PXDNL: variants seen among roughly 807,000 people sequenced by gnomAD.
The protein encoded by PXDNL is probable oxidoreductase PXDNL.
In PXDNL, 145 loss-of-function variants were observed where a neutral mutation model predicts 150.8. The ratio of observed to expected loss-of-function variants is 0.96; its 90% CI spans 0.84 to 1.10. PXDNL has a LOEUF of 1.10. Ranked by LOEUF, PXDNL falls within the 50% of genes least tolerant of loss-of-function variation. PXDNL has a pLI of 0.00. For missense variants in PXDNL, 2,087 were observed against 1,873.9 expected (o/e 1.11, Z -2.10); for synonymous variants, 757 against 725.7 (o/e 1.04, Z -0.69).
At chr8:51,326,062 G>A (rs1805474586) in intron 21 of PXDNL, among the ~76,000 whole-genome samples, 1 of 152,194 alleles carries the variant, frequency 6.6e-6, no homozygotes, top group African/African-American at 2.4e-5. Context: ...AGCTACGTGA[G>A]GAAAAACTAC....
intron 2 of PXDNL, among the ~76,000 whole-genome samples, chr8:51,607,070 G>A (rs1813851588): frequency 1.3e-5 from 2 of 152,050 alleles, no homozygotes; most frequent in East Asian, 3.9e-4. Context: ...ATACAATAAT[G>A]TACTTAAATA....
intron 1 of PXDNL, among the ~76,000 whole-genome samples, chr8:51,726,822 G>C (rs1014043043): frequency 6.6e-6 from 1 of 152,030 alleles, no homozygotes; most frequent in Non-Finnish European, 1.5e-5. Context: ...ATACTGAAAA[G>C]TTTAATTTCA....
chr8:51,663,965 C>A (rs991237322), intron 1 of PXDNL, among the ~76,000 whole-genome samples: 1 of 150,686 alleles, frequency 6.6e-6, no homozygotes, highest in African/African-American at 2.5e-5. Flanking sequence ...GCAGGAGAAT[C>A]ACTTGAACCT....
intron 21 of PXDNL, among the ~76,000 whole-genome samples, chr8:51,321,304 A>C (rs1042999691): frequency 1.8e-4 from 28 of 152,348 alleles, no homozygotes; most frequent in African/African-American, 6.7e-4. Context: ...ACAAATATTT[A>C]TTAAGTTTCA....
intron 3 of PXDNL, among the ~76,000 whole-genome samples, chr8:51,577,928 AAAG>A (rs1278614645): frequency 7.6e-4 from 25 of 32,918 alleles, no homozygotes; most frequent in Admixed American, 6.9e-3. Flanking sequence ...GAAAGAAAAG[AAAG>A]AAAGAAAGAA....
chr8:51,444,704 A>G, intron 12 of PXDNL, among the ~76,000 whole-genome samples: 1 of 152,122 alleles, frequency 6.6e-6, no homozygotes, highest in East Asian at 1.9e-4. Context: ...GGGGAAAAAT[A>G]TTCCTCATAA....
intron 1 of PXDNL, among the ~76,000 whole-genome samples, chr8:51,744,293 G>GAAGAAAGA (rs139562733): frequency 5.2e-4 from 73 of 139,318 alleles, no homozygotes; most frequent in African/African-American, 7.8e-4. Flanking sequence ...AGGAAAGAAG[G>GAAGAAAGA]AAGAAAGAAA....
At chr8:51,436,009 C>A (rs2129841278) in intron 12 of PXDNL, 4 of 528,550 alleles carry the variant, frequency 7.6e-6, no homozygotes, top group Admixed American at 6.0e-5. Context: ...AAATTCACCT[C>A]ATGGACCATC....
intron 1 of PXDNL, among the ~76,000 whole-genome samples, chr8:51,786,242 C>A (rs2037459511): frequency 6.6e-6 from 1 of 151,826 alleles, no homozygotes; most frequent in Non-Finnish European, 1.5e-5. Flanking sequence ...GAGTTTCACT[C>A]TTGTTGCCCC....
At chr8:51,671,618 C>A (rs1372273169) in intron 1 of PXDNL, among the ~76,000 whole-genome samples, 5 of 152,192 alleles carry the variant, frequency 3.3e-5, no homozygotes, top group Non-Finnish European at 5.9e-5. Flanking sequence ...CTAAGTGGAA[C>A]TGTTCTTCAG....
At chr8:51,694,328 C>A (rs1446596065) in intron 1 of PXDNL, among the ~76,000 whole-genome samples, 1 of 151,898 alleles carries the variant, frequency 6.6e-6, no homozygotes, top group Non-Finnish European at 1.5e-5. Flanking sequence ...GTGCTACTGC[C>A]CTCCGGCCTG....
At chr8:51,530,506 A>G (rs914126295) in intron 4 of PXDNL, among the ~76,000 whole-genome samples, 2 of 152,148 alleles carry the variant, frequency 1.3e-5, no homozygotes, top group African/African-American at 2.4e-5. Flanking sequence ...AATCCCCAGT[A>G]TATTTCTCCT....
chr8:51,447,062 T>G lies in PXDNL; in HGVS notation c.1467A>C (p.Gln489His), dbSNP rs201546384. 3 of 1,614,022 alleles carry G rather than the reference T, an allele frequency of 1.9e-6. No homozygotes were observed. Among genetic ancestry groups the G allele is most frequent in the Non-Finnish European group, 2.5e-6 (3 of 1,179,894 alleles). Residue 489 changes from glutamine (Q) to histidine (H), a missense_variant, in exon 12 of 23, where the codon CAA becomes CAC. Gln to His is a conservative substitution (Grantham distance 24). Coordinates refer to ENST00000356297, the MANE Select transcript of PXDNL (RefSeq NM_144651.5). ...AQHDQGQYEC[Q>H]AVSSLGVKKV... Reference sequence around the variant, plus strand: ...TTTTCACCCCCAACGAACTGACTGCTTGACATTCATATTGGCCTTGATCGT... The same window carrying G: ...TTTTCACCCCCAACGAACTGACTGCGTGACATTCATATTGGCCTTGATCGT...
At chr8:51,505,780 T>A (rs1248304372) in intron 4 of PXDNL, among the ~76,000 whole-genome samples, 1 of 152,194 alleles carries the variant, frequency 6.6e-6, no homozygotes, top group Non-Finnish European at 1.5e-5. Context: ...GGAAAAGCAG[T>A]TTGCTGACAG....
intron 1 of PXDNL, among the ~76,000 whole-genome samples, chr8:51,781,842 G>GA (rs1287059924): frequency 6.6e-6 from 1 of 152,198 alleles, no homozygotes; most frequent in Non-Finnish European, 1.5e-5. Context: ...TCCAGAGCAA[G>GA]AAAAGCAAAA....
chr8:51,440,593 T>C (rs1459705887), intron 12 of PXDNL, among the ~76,000 whole-genome samples: 3 of 152,168 alleles, frequency 2.0e-5, no homozygotes, highest in African/African-American at 7.2e-5. Context: ...ACAACACATG[T>C]TACCCTTACT....
intron 12 of PXDNL, among the ~76,000 whole-genome samples, chr8:51,443,116 C>T (rs1341379112): frequency 1.3e-5 from 2 of 152,072 alleles, no homozygotes; most frequent in African/African-American, 2.4e-5. Flanking sequence ...CTCCTTGTAA[C>T]ATTCTGTTTA....
At chr8:51,519,450 T>G (rs112439275) in intron 4 of PXDNL, among the ~76,000 whole-genome samples, 1 of 151,966 alleles carries the variant, frequency 6.6e-6, no homozygotes, top group Non-Finnish European at 1.5e-5. Context: ...GGAGAATTGC[T>G]TGAACCTGGG....
intron 4 of PXDNL, among the ~76,000 whole-genome samples, chr8:51,545,755 G>A (rs1812346357): frequency 6.6e-6 from 1 of 152,196 alleles, no homozygotes; most frequent in Non-Finnish European, 1.5e-5. Context: ...ATCTATTCAT[G>A]AGGGCACGGT....
Sources: gnomAD v4.1 joint callset for allele counts (sites outside exome capture counted in the v4.1 genomes callset) on GRCh38, gnomAD v4.1.1 for gene constraint, MANE v1.5 for transcripts, NCBI Gene and HGNC (gene_info 2026-07-23, HGNC 2026-07-21) for gene names.